ISX: variants seen among roughly 807,000 people sequenced by gnomAD.
ISX encodes intestine-specific homeobox.
Under a neutral mutation model 16.9 loss-of-function variants are expected in ISX, and 15 were observed. The ratio of observed to expected loss-of-function variants is 0.89; its 90% CI spans 0.59 to 1.36. The LOEUF (loss-of-function observed/expected upper bound fraction) is 1.36. Among genes scored for constraint, ISX ranks in the 40% most tolerant of loss-of-function variants. The probability of loss-of-function intolerance (pLI) is 0.00; values close to 1 mark genes in which losing one functional copy is unlikely to be tolerated. For missense variants in ISX, 316 were observed against 306.1 expected (o/e 1.03, Z -0.24); for synonymous variants, 125 against 119.7 (o/e 1.04, Z -0.29).
In ISX at chr22:35,086,255, C is replaced by A. The variant is rs934784424; in HGVS notation, c.*562C>A. 1 of 160,462 alleles carries A rather than the reference C, an allele frequency of 6.2e-6. No individual in the cohort carries two copies. The highest frequency in any genetic ancestry group is 1.4e-5 in the Non-Finnish European group (1 of 72,294). 9.9% of individuals were successfully genotyped at this position (160,462 alleles called of 1,614,324 possible). Reference sequence around the variant, plus strand: ...TTTGTCAAAAGGTGGTGCTGGCCCACCTCTGAAAGCAGAACACTTGCTCAA... The same window carrying A: ...TTTGTCAAAAGGTGGTGCTGGCCCAACTCTGAAAGCAGAACACTTGCTCAA... On this transcript the variant is annotated 3_prime_UTR_variant, in exon 5 of 5. Transcript: ENST00000404699.
chr22:35,082,644 T>C lies in ISX; in HGVS notation c.356T>C (p.Ile119Thr), dbSNP rs757021851. ...ATCCGCAGCCAGCTGGCAGCCAGGATCAACCTCCCAGAAGCTCGGGTGCAG... is the reference window on the plus strand; with the variant it reads ...ATCCGCAGCCAGCTGGCAGCCAGGACCAACCTCCCAGAAGCTCGGGTGCAG... The part of the protein sequence containing the change: ...VHIRSQLAAR[I>T]NLPEARVQIW... The change falls in exon 3 of 5, where the codon ATC becomes ACC. Residue 119 changes from isoleucine (I) to threonine (T), a missense_variant. Transcript: ENST00000404699. 6.2e-7 allele frequency: 1 copy of C among 1,614,126 alleles called. No homozygotes were observed. Among genetic ancestry groups the C allele is most frequent in the African/African-American group, 1.3e-5 (1 of 75,038 alleles).
intron 3 of ISX, 79 bp from the exon 4 acceptor site, chr22:35,084,304 A>G (rs999314579): frequency 1.1e-6 from 1 of 879,740 alleles, no homozygotes; most frequent in African/African-American, 1.6e-5. Context: ...TGGAAGGTGT[A>G]GTTATTATGA....
chr22:35,067,895 C>G lies in ISX; in HGVS notation c.229+579C>G, dbSNP rs1012565222. 3.9e-5 allele frequency among the ~76,000 whole-genome samples: 6 copies of G among 152,328 alleles called. 1 individual carries two copies. In the South Asian group the frequency reaches 6.2e-4, roughly 16 times the overall value. On this transcript the variant is annotated intron_variant, in intron 2 of 4. Coordinates refer to ENST00000404699, the MANE Select transcript of ISX (RefSeq NM_001303508.2). ...GGGAAAAGTCTGTCCACCCTGATCACCTTCCCCAAGCCAGTGGCCACCCCA... is the reference window on the plus strand; with the variant it reads ...GGGAAAAGTCTGTCCACCCTGATCAGCTTCCCCAAGCCAGTGGCCACCCCA...
At chr22:35,082,882 TA>T (rs1929155936) in intron 3 of ISX, among the ~76,000 whole-genome samples, 1 of 152,050 alleles carries the variant, frequency 6.6e-6, no homozygotes, top group African/African-American at 2.4e-5. Context: ...GGAAAGGGAG[TA>T]AAGTGGCATC....
chr22:35,072,857 G>A (rs1928889957), intron 2 of ISX, among the ~76,000 whole-genome samples: 1 of 152,172 alleles, frequency 6.6e-6, no homozygotes, highest in Non-Finnish European at 1.5e-5. Context: ...TAACTGGGTG[G>A]TTCTGGCTCA....
intron 2 of ISX, among the ~76,000 whole-genome samples, chr22:35,077,803 C>T (rs8141873): frequency 6.6e-6 from 1 of 152,174 alleles, no homozygotes. Flanking sequence ...CTTCTTCACC[C>T]CACCTCTAAA....
intron 2 of ISX, among the ~76,000 whole-genome samples, chr22:35,075,705 A>C (rs1446754017): frequency 1.3e-5 from 2 of 152,122 alleles, no homozygotes; most frequent in African/African-American, 2.4e-5. Flanking sequence ...TACATACAAA[A>C]TATTATGAAA....
In ISX at chr22:35,086,505, T is replaced by C. The variant is rs573469318; in HGVS notation, c.*812T>C. ...CCAGGATATATGAAAAGGGACCAGC[T>C]GGAAGACTAGCCTCACTCTGTCCTC... is the stretch of plus-strand genomic sequence containing the variant. On this transcript the variant is annotated 3_prime_UTR_variant, in exon 5 of 5. Coordinates refer to ENST00000404699, the MANE Select transcript of ISX (RefSeq NM_001303508.2). 1 of 152,406 alleles carries C rather than the reference T, an allele frequency of 6.6e-6. No homozygotes were observed. The highest frequency in any genetic ancestry group is 2.4e-5 in the African/African-American group (1 of 41,578). The allele number at this position is 152,406 out of a possible 1,614,324, so 9.4% of individuals were successfully genotyped here.
chr22:35,068,524 G>T (rs975252526), intron 2 of ISX, among the ~76,000 whole-genome samples: 2 of 152,182 alleles, frequency 1.3e-5, no homozygotes, highest in African/African-American at 4.8e-5. Flanking sequence ...GTCCATTAAA[G>T]ATTCATAGGA....
chr22:35,071,145 T>G (rs531756324), intron 2 of ISX, among the ~76,000 whole-genome samples: 7 of 152,308 alleles, frequency 4.6e-5, no homozygotes, highest in African/African-American at 1.7e-4. Context: ...CCTGTCTACC[T>G]TCGAGGTGCA....
In ISX at chr22:35,082,414, C is replaced by T. The variant is rs913018397; in HGVS notation, c.230-104C>T. The T allele has an allele frequency of 3.6e-5, 40 of 1,123,846 alleles. 1 individual carries two copies. In the South Asian group the frequency reaches 5.4e-4, roughly 15 times the overall value. 69.6% of individuals were successfully genotyped at this position (1,123,846 alleles called of 1,614,324 possible). Reference sequence around the variant, plus strand: ...GCTCAAGAAGCCAGGGGCCAAGGCTCGGGAGCAGCAGTGGGGTGGAAGGGT... The same window carrying T: ...GCTCAAGAAGCCAGGGGCCAAGGCTTGGGAGCAGCAGTGGGGTGGAAGGGT... On this transcript the variant is annotated intron_variant, in intron 2 of 4. Coordinates refer to ENST00000404699, the MANE Select transcript of ISX (RefSeq NM_001303508.2).
Position 35,085,646 on chromosome 22 carries a change from C to G in ISX, c.691C>G (p.Pro231Ala). 1 of 1,614,244 alleles carries G rather than the reference C, an allele frequency of 6.2e-7. No homozygotes were observed. The highest frequency in any genetic ancestry group is 1.3e-5 in the African/African-American group (1 of 75,072). Reference protein sequence around the residue: ...QTCIPVLCILPPPHPKWGSIC... With the variant: ...QTCIPVLCILAPPHPKWGSIC... ...TTGCATCCCTGTGCTATGCATCCTTCCACCTCCACACCCCAAATGGGGCAG... is the reference window on the plus strand; with the variant it reads ...TTGCATCCCTGTGCTATGCATCCTTGCACCTCCACACCCCAAATGGGGCAG... Residue 231 changes from proline to alanine, a missense_variant, in exon 5 of 5, where the codon CCA (proline) becomes GCA (alanine). Transcript: ENST00000404699.
At position 35,067,003 on chromosome 22, in the gene ISX, G is replaced by A. The variant is rs1234624689; in HGVS notation, c.-85G>A. ...GTTCTTCACCTCCACGCGCCCTCTT[G>A]ACCCCAGGAGGTTCAGGGGAGGAAG... On this transcript the variant is annotated 5_prime_UTR_variant, in exon 2 of 5. Coordinates refer to ENST00000404699, the MANE Select transcript of ISX (RefSeq NM_001303508.2). 2.0e-6 allele frequency: 2 copies of A among 992,268 alleles called. No individual in the cohort carries two copies. Among genetic ancestry groups the A allele is most frequent in the Non-Finnish European group, 3.1e-6 (2 of 654,896 alleles). The allele number at this position is 992,268 out of a possible 1,614,324, so 61.5% of individuals were successfully genotyped here.
chr22:35,072,078 T>C (rs141642571), intron 2 of ISX, among the ~76,000 whole-genome samples: 1 of 152,316 alleles, frequency 6.6e-6, no homozygotes, highest in Non-Finnish European at 1.5e-5. Context: ...GATGTGGAGT[T>C]AAAAACAGGC....
chr22:35,078,672 A>G (rs2146292673), intron 2 of ISX, among the ~76,000 whole-genome samples: 1 of 152,340 alleles, frequency 6.6e-6, no homozygotes, highest in African/African-American at 2.4e-5. Context: ...CTTTGAAAGG[A>G]TAAAAATGGA....
Position 35,067,154 on chromosome 22 carries a change from GC to G in ISX, c.71del (p.Pro24ArgfsTer4). 1.9e-6 allele frequency: 3 copies of G among 1,613,722 alleles called. No homozygotes were observed. Among genetic ancestry groups the G allele is most frequent in the Non-Finnish European group, 2.5e-6 (3 of 1,179,696 alleles). ...GAGAAATAGCTTGGGGTGCTGTGAG[GC>G]CCCGAAGAAGCTGAGCCTGTCCTTC... ...MERNSLGCCE[A>X]PKKLSLSFSI... On this transcript the variant is annotated frameshift_variant, in exon 2 of 5. Coordinates refer to ENST00000404699, the MANE Select transcript of ISX (RefSeq NM_001303508.2). LOFTEE classifies it high-confidence loss of function.
intron 2 of ISX, among the ~76,000 whole-genome samples, chr22:35,079,398 G>C (rs1040716129): frequency 6.6e-6 from 1 of 152,134 alleles, no homozygotes; most frequent in Admixed American, 6.5e-5. Flanking sequence ...CAACAGGATT[G>C]AGAGCAGAGC....
intron 2 of ISX, among the ~76,000 whole-genome samples, chr22:35,074,494 A>T (rs1168805899): frequency 6.6e-6 from 1 of 152,228 alleles, no homozygotes; most frequent in Non-Finnish European, 1.5e-5. Flanking sequence ...GTGTTGCTAA[A>T]GAGGTTTCCT....
chr22:35,072,109 C>A (rs1237687246), intron 2 of ISX, among the ~76,000 whole-genome samples: 3 of 152,214 alleles, frequency 2.0e-5, no homozygotes, highest in Non-Finnish European at 4.4e-5. Context: ...GAGAAGTGTG[C>A]TTTGGTCTTC....
Sources: gnomAD v4.1 joint callset for allele counts (sites outside exome capture counted in the v4.1 genomes callset) on GRCh38, gnomAD v4.1.1 for gene constraint, MANE v1.5 for transcripts, NCBI Gene and HGNC (gene_info 2026-07-23, HGNC 2026-07-21) for gene names.